CPE: variants seen among roughly 807,000 people sequenced by gnomAD.
The protein encoded by CPE is carboxypeptidase E, also known as carbocypeptidase E.
CPE carries 17 observed loss-of-function variants against 53.5 expected under a neutral mutation model. That is an observed-to-expected ratio of 0.32 (90% CI 0.22 to 0.48). CPE has a LOEUF of 0.48. Ranked by LOEUF, CPE falls within the 20% of genes least tolerant of loss-of-function variation. The probability of loss-of-function intolerance (pLI) is 0.99; values close to 1 mark genes in which losing one functional copy is unlikely to be tolerated. For missense variants in CPE, 524 were observed against 614.7 expected, an observed-to-expected ratio of 0.85 and a Z score of 1.56; for synonymous variants, 226 against 228.8, an observed-to-expected ratio of 0.99 and a Z score of 0.11.
intron 1 of CPE, among the ~76,000 whole-genome samples, chr4:165,401,053 T>A (rs1730858736): frequency 9.8e-6 from 1 of 101,918 alleles, no homozygotes; most frequent in African/African-American, 4.7e-5. Flanking sequence ...CCTTATTTGA[T>A]TTTTTTTTTC....
chr4:165,450,338 T>G (rs1306699691), intron 1 of CPE, among the ~76,000 whole-genome samples: 3 of 152,134 alleles, frequency 2.0e-5, no homozygotes, highest in African/African-American at 4.8e-5. Context: ...TTCATTACTC[T>G]TCTTCATTGG....
chr4:165,463,293 T>C (rs527791846), intron 1 of CPE, among the ~76,000 whole-genome samples: 10 of 152,208 alleles, frequency 6.6e-5, no homozygotes, highest in African/African-American at 2.4e-4. Context: ...AATGACAAGA[T>C]AATGTCATGT....
chr4:165,495,501 A>G lies in CPE; in HGVS notation c.1214-58A>G, dbSNP rs979678272. ...TATTCCTTAGATGGCATAATTATGC[A>G]TTGTGTAATTCTGCATATTTCATGT... On this transcript the variant is annotated intron_variant, in intron 7 of 8. Transcript: ENST00000402744. 6 of 1,132,506 alleles carry G rather than the reference A, an allele frequency of 5.3e-6. No homozygotes were observed. In the African/African-American group the frequency reaches 7.7e-5, roughly 15 times the overall value. The allele number at this position is 1,132,506 out of a possible 1,614,324, so 70.2% of individuals were successfully genotyped here. A position where few individuals can be genotyped will look rare whatever the true frequency, so the allele number is the denominator to read the frequency against.
intron 1 of CPE, chr4:165,405,173 A>AACCC: frequency 2.6e-6 from 2 of 775,468 alleles, no homozygotes; most frequent in East Asian, 4.9e-5. Context: ...TCCTCAGCCT[A>AACCC]ACCCAGTGAG....
In CPE at chr4:165,497,681, G is replaced by A; in HGVS notation, c.*71G>A. 1.3e-6 allele frequency: 1 copy of A among 764,738 alleles called. No homozygotes were observed. The highest frequency in any genetic ancestry group is 3.0e-5 in the East Asian group (1 of 32,828). 47.4% of individuals were successfully genotyped at this position (764,738 alleles called of 1,614,324 possible). ...ATGATGTAATGTGGTCTTTTTTTTA[G>A]ATTTTGTGCAGTTAATACTTAACAT... On this transcript the variant is annotated 3_prime_UTR_variant, in exon 9 of 9. Transcript: ENST00000402744.
In CPE at chr4:165,464,444, G is replaced by A. The variant is rs553294623; in HGVS notation, c.362G>A (p.Arg121Gln). Residue 121 changes from arginine to glutamine, a missense_variant, in exon 2 of 9, where the codon CGA (arginine) becomes CAA (glutamine). Coordinates refer to ENST00000402744, the MANE Select transcript of CPE (RefSeq NM_001873.4). ...ATGCATGGGAATGAGGCTGTTGGAC[G>A]AGAACTGCTCATTTTCTTGGCCCAG... ...GNMHGNEAVG[R>Q]ELLIFLAQYL... 100 of 1,613,388 alleles carry A rather than the reference G, an allele frequency of 6.2e-5. 1 individual carries two copies. The South Asian group carries it at 9.0e-4, about 15-fold the overall frequency.
intron 1 of CPE, among the ~76,000 whole-genome samples, chr4:165,412,404 C>T (rs1032409893): frequency 1.3e-5 from 2 of 151,806 alleles, no homozygotes; most frequent in Non-Finnish European, 2.9e-5. Context: ...GTACTACATA[C>T]CAGGAAAAAT....
intron 1 of CPE, chr4:165,386,486 C>A: frequency 5.8e-6 from 2 of 346,206 alleles, no homozygotes; most frequent in Non-Finnish European, 1.1e-5. Context: ...TGCATATTAG[C>A]ATGCCAGTAG....
intron 1 of CPE, among the ~76,000 whole-genome samples, chr4:165,448,609 C>T (rs1731756076): frequency 6.6e-6 from 1 of 152,004 alleles, no homozygotes; most frequent in Non-Finnish European, 1.5e-5. Context: ...GGTTTTGGTC[C>T]TGGGGAGAAC....
chr4:165,379,621 G>T lies in CPE; in HGVS notation c.307+93G>T. 1 of 1,057,332 alleles carries T rather than the reference G, an allele frequency of 9.5e-7. No homozygotes were observed. The highest frequency in any genetic ancestry group is 1.3e-6 in the Non-Finnish European group (1 of 769,396). 65.5% of individuals were successfully genotyped at this position (1,057,332 alleles called of 1,614,324 possible). On this transcript the variant is annotated intron_variant, in intron 1 of 8. Coordinates refer to ENST00000402744, the MANE Select transcript of CPE (RefSeq NM_001873.4). This position sits in a 1 kb window ranked among gnomAD's most constrained non-coding sequence, Gnocchi z 6.0. ...GGCGGTGGGGGAAGGAGGGAGGGAT[G>T]GGCCCAGGGGTGCCTCTTGGTAAAA...
chr4:165,424,879 C>CTTCTTTT (rs1731291112), intron 1 of CPE, among the ~76,000 whole-genome samples: 1 of 137,740 alleles, frequency 7.3e-6, no homozygotes, highest in Non-Finnish European at 1.6e-5. Context: ...AAAGTAGAAA[C>CTTCTTTT]TTTTTTTTTT....
intron 5 of CPE, among the ~76,000 whole-genome samples, chr4:165,484,929 C>T (rs1732482133): frequency 6.6e-6 from 1 of 152,110 alleles, no homozygotes; most frequent in Admixed American, 6.5e-5. Flanking sequence ...AAGATGGCAT[C>T]CTTAGTTTAT....
chr4:165,386,410 G>A, intron 1 of CPE: 1 of 398,218 alleles, frequency 2.5e-6, no homozygotes, highest in Non-Finnish European at 4.9e-6. Flanking sequence ...TTGAATAAAT[G>A]AAATTTCTCA....
At chr4:165,401,238 C>T (rs1051912755) in intron 1 of CPE, among the ~76,000 whole-genome samples, 2 of 152,156 alleles carry the variant, frequency 1.3e-5, no homozygotes, top group Admixed American at 6.5e-5. Context: ...TTCTTCTCTT[C>T]GTTACACGCC....
chr4:165,458,468 T>G (rs1425177161), intron 1 of CPE, among the ~76,000 whole-genome samples: 1 of 152,182 alleles, frequency 6.6e-6, no homozygotes, highest in Non-Finnish European at 1.5e-5. Context: ...TGGCAAAAAT[T>G]TGTTGTTGGA....
chr4:165,435,352 AC>A (rs1308087551), intron 1 of CPE, among the ~76,000 whole-genome samples: 6 of 152,154 alleles, frequency 3.9e-5, no homozygotes, highest in Admixed American at 3.3e-4. Context: ...CTACAGAAAA[AC>A]TGACTTTGGA....
At chr4:165,469,631 A>G (rs1040626709) in intron 3 of CPE, among the ~76,000 whole-genome samples, 4 of 152,096 alleles carry the variant, frequency 2.6e-5, no homozygotes, top group Non-Finnish European at 2.9e-5. Context: ...CATGTTCTTC[A>G]TCTATACTTC....
At chr4:165,407,155 A>G (rs1168011417) in intron 1 of CPE, among the ~76,000 whole-genome samples, 2 of 152,204 alleles carry the variant, frequency 1.3e-5, no homozygotes, top group African/African-American at 4.8e-5. Context: ...TAACATTTTC[A>G]GGAACTGCCA....
chr4:165,412,019 A>G (rs2126668279), intron 1 of CPE, among the ~76,000 whole-genome samples: 1 of 152,322 alleles, frequency 6.6e-6, no homozygotes, highest in Non-Finnish European at 1.5e-5. Flanking sequence ...TGGTCTTTCA[A>G]ATGTGTCAAC....
Sources: allele counts gnomAD v4.1 joint callset (sites outside exome capture counted in the v4.1 genomes callset), GRCh38; gene constraint gnomAD v4.1.1; non-coding constraint Gnocchi (gnomAD v3.1); transcripts MANE v1.5; gene names NCBI Gene and HGNC (gene_info 2026-07-23, HGNC 2026-07-21).